The following CTNND1 variants were observed in gnomAD, a reference collection of about 807,000 sequenced individuals.
CTNND1 encodes the protein catenin delta 1, also known as catenin delta-1.
In CTNND1, 16 loss-of-function variants were observed where a neutral mutation model predicts 112.1. The observed-to-expected ratio is 0.14, with a 90% CI of 0.10 to 0.22. The LOEUF is 0.22. CTNND1 is among the 10% of genes least tolerant of loss of function. The pLI, the probability that CTNND1 is intolerant of heterozygous loss-of-function variation, is 1.00. For missense variants in CTNND1, 1,008 were observed against 1,257.0 expected (o/e 0.80, Z 3.00); for synonymous variants, 420 against 446.5 (o/e 0.94, Z 0.75).
In CTNND1 at chr11:57,788,960, T is replaced by G; in HGVS notation, c.-213-77T>G. 2.0e-6 allele frequency: 2 copies of G among 1,018,842 alleles called. 1 individual carries two copies. The highest frequency in any genetic ancestry group is 2.7e-5 in the South Asian group (2 of 73,286). 63.1% of individuals were successfully genotyped at this position (1,018,842 alleles called of 1,614,324 possible). The stretch of plus-strand genomic sequence containing the variant: ...TTCCTTTCATTCCTAATATTGCCCC[T>G]TGCTCTTCTTGTTTTTATGTATTGG... On this transcript the variant is annotated intron_variant, in intron 1 of 20. Coordinates refer to ENST00000399050, the MANE Select transcript of CTNND1 (RefSeq NM_001085458.2). This position sits in a 1 kb window ranked among gnomAD's most constrained non-coding sequence, Gnocchi z 4.1.
At chr11:57,797,736 G>C (rs1212974194) in intron 6 of CTNND1, among the ~76,000 whole-genome samples, 2 of 150,120 alleles carry the variant, frequency 1.3e-5, no homozygotes, top group South Asian at 2.1e-4. Flanking sequence ...CAGCTACTCG[G>C]GAGGCTGAGG....
chr11:57,788,572 T>C lies in CTNND1; in HGVS notation c.-213-465T>C, dbSNP rs532615424. Among the ~76,000 whole-genome samples, 4 of 152,320 alleles carry C rather than the reference T, an allele frequency of 2.6e-5. No individual in the cohort carries two copies. In the East Asian group the frequency reaches 5.8e-4, roughly 22 times the overall value. On this transcript the variant is annotated intron_variant, in intron 1 of 20. Transcript: ENST00000399050. The surrounding 1 kb of genome is among the most constrained non-coding windows in gnomAD (Gnocchi z 4.1). ...GGGAACTGAAGCAAAAGGCTCAGCC[T>C]AGGCTAGTCCCCACATGTCTTCCCC...
intron 1 of CTNND1, among the ~76,000 whole-genome samples, chr11:57,770,877 T>C (rs985602461): frequency 2.0e-5 from 3 of 152,194 alleles, no homozygotes; most frequent in Admixed American, 6.5e-5. Context: ...CAGTACACTT[T>C]TAAAATAGCC....
chr11:57,795,482 CT>C, intron 4 of CTNND1, 94 bp from the exon 5 acceptor site: 1 of 1,368,024 alleles, frequency 7.3e-7, no homozygotes, highest in Non-Finnish European at 9.9e-7. Flanking sequence ...TGAGGAGTCC[CT>C]GTCTCCAGGT....
At chr11:57,789,439 A>G (rs1320953706) in intron 2 of CTNND1, among the ~76,000 whole-genome samples, 1 of 152,204 alleles carries the variant, frequency 6.6e-6, no homozygotes, top group Non-Finnish European at 1.5e-5. Flanking sequence ...TGTTTATATA[A>G]TGGTATGGAG....
At chr11:57,769,293 G>A (rs1384550460) in intron 1 of CTNND1, among the ~76,000 whole-genome samples, 2 of 151,752 alleles carry the variant, frequency 1.3e-5, no homozygotes, top group Admixed American at 6.6e-5. Flanking sequence ...TTGCACCCCA[G>A]CCTGGGCGAC....
In CTNND1 at chr11:57,768,060, C is replaced by T. The variant is rs1012237196; in HGVS notation, c.-214+5941C>T. On this transcript the variant is annotated intron_variant, in intron 1 of 20. Transcript: ENST00000399050. ...ATATTGGCCAGGCTGGTCTCGAACT[C>T]CTGACCTCAAATGATCCACCCACCT... Among the ~76,000 whole-genome samples the T allele has an allele frequency of 1.4e-4, 22 of 152,124 alleles. 1 individual carries two copies. Among genetic ancestry groups the T allele is most frequent in the Admixed American group, 1.4e-3 (21 of 15,276 alleles).
rs747352352 is a variant in CTNND1, at chr11:57,805,933, C to T, written c.1774C>T (p.Arg592Trp). The change falls in exon 10 of 21, where the codon CGG (arginine) becomes TGG (tryptophan). Residue 592 changes from arginine to tryptophan, a missense_variant. Physicochemically the swap from Arg to Trp is moderately radical, Grantham distance 101. Around this residue, in one of 5 missense-constraint regions of CTNND1, gnomAD observed 216 missense variants for 342.8 expected, o/e 0.63. Coordinates refer to ENST00000399050, the MANE Select transcript of CTNND1 (RefSeq NM_001085458.2). Reference protein sequence around the residue: ...LLRNLSYQVHREIPQAERYQE... With the variant: ...LLRNLSYQVHWEIPQAERYQE... Reference sequence around the variant, plus strand: ...TCGGAACTTATCATATCAAGTTCACCGGGAGATCCCACAGGCAGAGCGTTA... The same window carrying T: ...TCGGAACTTATCATATCAAGTTCACTGGGAGATCCCACAGGCAGAGCGTTA... The T allele has an allele frequency of 1.2e-5, 19 of 1,613,422 alleles. No homozygotes were observed. Among genetic ancestry groups the T allele is most frequent in the South Asian group, 6.6e-5 (6 of 90,976 alleles).
intron 12 of CTNND1, among the ~76,000 whole-genome samples, chr11:57,807,605 CAAAAAAAAAAAA>C (rs71470294): frequency 6.8e-5 from 2 of 29,226 alleles, no homozygotes; most frequent in African/African-American, 1.3e-4. Flanking sequence ...AACTCCGTCT[CAAAAAAAAAAAA>C]AAAAAAAAAA....
At chr11:57,768,449 A>T (rs1951681668) in intron 1 of CTNND1, among the ~76,000 whole-genome samples, 1 of 123,660 alleles carries the variant, frequency 8.1e-6, no homozygotes. Flanking sequence ...GCTGGAGTGC[A>T]GTGGCGCGAT....
intron 1 of CTNND1, among the ~76,000 whole-genome samples, chr11:57,781,422 A>G (rs2059568217): frequency 6.6e-6 from 1 of 152,086 alleles, no homozygotes; most frequent in African/African-American, 2.4e-5. Flanking sequence ...ATACCTTTGC[A>G]TTTCAATGAG....
At chr11:57,771,661 T>C (rs1051699299) in intron 1 of CTNND1, among the ~76,000 whole-genome samples, 1 of 152,192 alleles carries the variant, frequency 6.6e-6, no homozygotes, top group Non-Finnish European at 1.5e-5. Context: ...TGTTGTATAC[T>C]ATATTGTACA....
At chr11:57,766,388 T>G (rs1951086297) in intron 1 of CTNND1, among the ~76,000 whole-genome samples, 1 of 152,228 alleles carries the variant, frequency 6.6e-6, no homozygotes, top group Admixed American at 6.5e-5. Flanking sequence ...CCACAAAACT[T>G]TAGATTTTGT....
At chr11:57,799,989 T>C (rs1287603251) in intron 6 of CTNND1, among the ~76,000 whole-genome samples, 1 of 143,188 alleles carries the variant, frequency 7.0e-6, no homozygotes, top group East Asian at 2.0e-4. Context: ...GTTTTTTTTT[T>C]TTTTTTTTTT....
In CTNND1 at chr11:57,809,477, C is replaced by T. The variant is rs780134105; in HGVS notation, c.2435+11C>T. ...GATCAACAAATCAGGGTGAGCTTAC[C>T]ACCTAAAATTACAGTCAAAAGAATT... On this transcript the variant is annotated intron_variant, in intron 15 of 20. Transcript: ENST00000399050. The T allele has an allele frequency of 1.9e-6, 3 of 1,598,264 alleles. No individual in the cohort carries two copies. Among genetic ancestry groups the T allele is most frequent in the Non-Finnish European group, 2.6e-6 (3 of 1,171,262 alleles).
Position 57,762,020 on chromosome 11 carries a change from A to G in CTNND1, c.-313A>G. 1.0e-6 allele frequency: 1 copy of G among 985,414 alleles called. No homozygotes were observed. Among genetic ancestry groups the G allele is most frequent in the Non-Finnish European group, 1.2e-6 (1 of 829,914 alleles). The allele number at this position is 985,414 out of a possible 1,614,324, so 61.0% of individuals were successfully genotyped here. ...AAGCCTTGGGTTTCTTTCTTAAAGGACTGATTTTTAGAACTCCACATTTGA... is the reference window on the plus strand; with the variant it reads ...AAGCCTTGGGTTTCTTTCTTAAAGGGCTGATTTTTAGAACTCCACATTTGA... On this transcript the variant is annotated 5_prime_UTR_variant, in exon 1 of 21. Coordinates refer to ENST00000399050, the MANE Select transcript of CTNND1 (RefSeq NM_001085458.2).
intron 1 of CTNND1, among the ~76,000 whole-genome samples, chr11:57,778,315 T>G (rs985760193): frequency 2.6e-5 from 4 of 152,124 alleles, no homozygotes; most frequent in Non-Finnish European, 5.9e-5. Context: ...GAAGGTGAAG[T>G]TCCTAAAGTA....
At chr11:57,791,724 G>C in intron 3 of CTNND1, 51 bp downstream of exon 3, 1 of 1,474,136 alleles carries the variant, frequency 6.8e-7, no homozygotes, top group Non-Finnish European at 9.0e-7. Context: ...CATGGTCACA[G>C]AGAGGCTATG....
chr11:57,809,180 C>A, intron 14 of CTNND1, 94 bp from the exon 15 acceptor site: 1 of 893,288 alleles, frequency 1.1e-6, no homozygotes, highest in South Asian at 1.7e-5. Flanking sequence ...TGGACAGCAC[C>A]TACACTTGAT....
Sources: allele counts gnomAD v4.1 joint callset (sites outside exome capture counted in the v4.1 genomes callset), GRCh38; gene constraint gnomAD v4.1.1; regional missense constraint gnomAD v4.1.1; non-coding constraint Gnocchi (gnomAD v3.1); transcripts MANE v1.5; gene names NCBI Gene and HGNC (gene_info 2026-07-23, HGNC 2026-07-21).